RALGPS1: variants seen among roughly 807,000 people sequenced by gnomAD.
The protein encoded by RALGPS1 is Ral GEF with PH domain and SH3 binding motif 1, also known as ras-specific guanine nucleotide-releasing factor RalGPS1.
In RALGPS1, 19 loss-of-function variants were observed where a neutral mutation model predicts 78.8. The ratio of observed to expected loss-of-function variants is 0.24; its 90% CI spans 0.17 to 0.35. RALGPS1 has a LOEUF of 0.35. Ranked by LOEUF, RALGPS1 falls within the 10% of genes least tolerant of loss-of-function variation. The pLI is 1.00. For missense variants in RALGPS1, 454 were observed against 688.3 expected (o/e 0.66, Z 3.81); for synonymous variants, 228 against 256.3 (o/e 0.89, Z 1.06).
intron 3 of RALGPS1, among the ~76,000 whole-genome samples, chr9:126,973,120 C>T (rs1476075931): frequency 6.6e-6 from 1 of 152,126 alleles, no homozygotes; most frequent in African/African-American, 2.4e-5. Flanking sequence ...GTAATCCCAG[C>T]ACTTTGGGAG....
At chr9:127,214,595 A>AG (rs1306036135) in intron 17 of RALGPS1, among the ~76,000 whole-genome samples, 156 bp from the exon 18 acceptor site, 1 of 152,174 alleles carries the variant, frequency 6.6e-6, no homozygotes, top group African/African-American at 2.4e-5. Flanking sequence ...AGACCACTGG[A>AG]GGGAGCCCTG....
At chr9:127,106,144 A>G (rs1176420384) in intron 8 of RALGPS1, among the ~76,000 whole-genome samples, 1 of 152,246 alleles carries the variant, frequency 6.6e-6, no homozygotes, top group Admixed American at 6.5e-5. Flanking sequence ...GTTTTGAGTT[A>G]GAAACCAGAG....
chr9:127,189,013 A>C (rs1295739927), intron 11 of RALGPS1, among the ~76,000 whole-genome samples: 1 of 149,212 alleles, frequency 6.7e-6, no homozygotes, highest in South Asian at 2.1e-4. Flanking sequence ...AAAAAAAAAA[A>C]AAAAAAAAAA....
In RALGPS1 at chr9:127,094,008, C is replaced by CCT. The variant is rs2052814599; in HGVS notation, c.610+24655_610+24656dup. ...CCAGCTGCACCCCAAGCAGGCACAA[C>CCT]CTCTGTTGAGGCTCCAGCTGGGAGC... On this transcript the variant is annotated intron_variant, in intron 8 of 18. Transcript: ENST00000259351. 5 of 1,504,690 alleles carry CCT rather than the reference C, an allele frequency of 3.3e-6. No homozygotes were observed. In the East Asian group the frequency reaches 1.2e-4, roughly 35 times the overall value. 93.2% of individuals were successfully genotyped at this position (1,504,690 alleles called of 1,614,324 possible).
intron 14 of RALGPS1, among the ~76,000 whole-genome samples, chr9:127,207,284 C>T (rs952620896): frequency 1.5e-4 from 23 of 152,240 alleles, no homozygotes; most frequent in African/African-American, 5.5e-4. Context: ...TGTTGCCAGT[C>T]GATGTCTTCC....
chr9:127,163,584 A>G (rs2059137639), intron 8 of RALGPS1, among the ~76,000 whole-genome samples: 2 of 152,256 alleles, frequency 1.3e-5, no homozygotes, highest in African/African-American at 4.8e-5. Context: ...CGAATGACTC[A>G]TGGTATCTAG....
At chr9:127,109,919 G>C (rs1185394173) in intron 8 of RALGPS1, among the ~76,000 whole-genome samples, 1 of 152,176 alleles carries the variant, frequency 6.6e-6, no homozygotes, top group Non-Finnish European at 1.5e-5. Flanking sequence ...CAAGAGGGAG[G>C]GGAGGACACG....
chr9:127,156,285 A>G (rs1375191765), intron 8 of RALGPS1, among the ~76,000 whole-genome samples: 1 of 152,192 alleles, frequency 6.6e-6, no homozygotes, highest in Non-Finnish European at 1.5e-5. Context: ...TGCAATTTGT[A>G]GTAGTATTGC....
intron 17 of RALGPS1, among the ~76,000 whole-genome samples, chr9:127,214,550 A>G (rs962919136): frequency 4.6e-5 from 7 of 152,246 alleles, no homozygotes; most frequent in African/African-American, 9.6e-5. Flanking sequence ...CAAAGGCACC[A>G]TGGCCCCAAA....
intron 1 of RALGPS1, chr9:126,915,335 C>CGGCGGGGCTGCCGTG (rs1169028444): frequency 1.6e-4 from 11 of 66,838 alleles, no homozygotes; most frequent in Admixed American, 1.2e-3. Flanking sequence ...GGGGCGGGGC[C>CGGCGGGGCTGCCGTG]GGCGGGGCTG....
chr9:126,988,875 C>G (rs1276162945), intron 4 of RALGPS1, among the ~76,000 whole-genome samples: 1 of 151,976 alleles, frequency 6.6e-6, no homozygotes, highest in African/African-American at 2.4e-5. Flanking sequence ...GAAAGTGGCC[C>G]TAGAGGTAGG....
intron 4 of RALGPS1, among the ~76,000 whole-genome samples, chr9:127,003,952 A>G (rs959393241): frequency 6.6e-6 from 1 of 152,136 alleles, no homozygotes; most frequent in Non-Finnish European, 1.5e-5. Context: ...ACCTCAGCAC[A>G]TTTATCCTCT....
chr9:127,174,121 T>C (rs886728558), intron 10 of RALGPS1, among the ~76,000 whole-genome samples: 3 of 150,402 alleles, frequency 2.0e-5, no homozygotes, highest in Non-Finnish European at 4.4e-5. Flanking sequence ...TTAGCTGGGG[T>C]TGGGGACGCA....
At chr9:126,986,963 G>A (rs1451572970) in intron 4 of RALGPS1, among the ~76,000 whole-genome samples, 4 of 152,164 alleles carry the variant, frequency 2.6e-5, no homozygotes, top group Non-Finnish European at 5.9e-5. Flanking sequence ...AACTTAGCGC[G>A]GTGCCTGTAC....
chr9:126,924,229 A>G (rs963076729), intron 1 of RALGPS1, among the ~76,000 whole-genome samples: 5 of 152,254 alleles, frequency 3.3e-5, no homozygotes, highest in African/African-American at 9.6e-5. Context: ...CATTTATCCC[A>G]GATGAAAGTG....
At chr9:127,111,584 C>G (rs866751378) in intron 8 of RALGPS1, among the ~76,000 whole-genome samples, 1 of 152,200 alleles carries the variant, frequency 6.6e-6, no homozygotes, top group Non-Finnish European at 1.5e-5. Context: ...GTCAGAGCTG[C>G]GCAGAGGAGG....
At chr9:127,073,241 A>C (rs1223364001) in intron 8 of RALGPS1, among the ~76,000 whole-genome samples, 1 of 152,092 alleles carries the variant, frequency 6.6e-6, no homozygotes, top group African/African-American at 2.4e-5. Flanking sequence ...CTTCCCACCC[A>C]CACACACTTC....
intron 7 of RALGPS1, among the ~76,000 whole-genome samples, chr9:127,059,408 C>G (rs940517582): frequency 1.3e-5 from 2 of 152,176 alleles, no homozygotes; most frequent in African/African-American, 4.8e-5. Flanking sequence ...CTCAGAAGAT[C>G]TCAGTCAAAT....
intron 1 of RALGPS1, among the ~76,000 whole-genome samples, chr9:126,936,716 C>G (rs544611709): frequency 7.9e-5 from 12 of 151,886 alleles, no homozygotes; most frequent in African/African-American, 2.9e-4. Flanking sequence ...TTTTCAAACA[C>G]GTGAGGACAC....
Sources: gnomAD v4.1 joint callset for allele counts (sites outside exome capture counted in the v4.1 genomes callset) on GRCh38, gnomAD v4.1.1 for gene constraint, MANE v1.5 for transcripts, NCBI Gene and HGNC (gene_info 2026-07-23, HGNC 2026-07-21) for gene names.